Variants in MDGA2 observed in about 807,000 individuals in gnomAD.
MDGA2 encodes the protein MAM domain-containing glycosylphosphatidylinositol anchor protein 2.
A neutral mutation model predicts 117.8 loss-of-function variants in MDGA2; 40 were observed. The ratio of observed to expected loss-of-function variants is 0.34; its 90% CI spans 0.26 to 0.44. The LOEUF (loss-of-function observed/expected upper bound fraction) is 0.44. MDGA2 is among the 20% of genes least tolerant of loss of function. MDGA2 has a pLI of 1.00. For missense variants in MDGA2, 1,123 were observed against 1,250.6 expected, an observed-to-expected ratio of 0.90 and a Z score of 1.54; for synonymous variants, 452 against 439.0, an observed-to-expected ratio of 1.03 and a Z score of -0.37.
chr14:46,846,662 A>T (rs1880853885), intron 15 of MDGA2, among the ~76,000 whole-genome samples: 1 of 152,122 alleles, frequency 6.6e-6, no homozygotes, highest in African/African-American at 2.4e-5. Flanking sequence ...ATTTTTACAG[A>T]AACAGGACTC....
chr14:46,945,091 G>C (rs1490672115), intron 9 of MDGA2, among the ~76,000 whole-genome samples: 1 of 152,040 alleles, frequency 6.6e-6, no homozygotes, highest in Non-Finnish European at 1.5e-5. Flanking sequence ...CTTTCACCCT[G>C]TAAAGAGTGC....
chr14:47,380,783 C>A (rs962883429), intron 1 of MDGA2, among the ~76,000 whole-genome samples: 1 of 151,920 alleles, frequency 6.6e-6, no homozygotes, highest in East Asian at 1.9e-4. Flanking sequence ...ACCAGAGGTA[C>A]AAGCAGGAGC....
rs190108570 is a variant in MDGA2, at chr14:46,882,356, G to T, written c.2239-135C>A. 7.2e-6 allele frequency: 5 copies of T among 691,614 alleles called. No homozygotes were observed. The East Asian group carries it at 9.2e-5, about 13-fold the overall frequency. The allele number at this position is 691,614 out of a possible 1,614,324, so 42.8% of individuals were successfully genotyped here. On this transcript the variant is annotated intron_variant, in intron 10 of 16. Transcript: ENST00000399232. ...ATGAATACGTATTATTAAAGTTCAA[G>T]TTTCTATAATGATAAACAAATTTTG...
At chr14:46,959,599 T>C (rs1885711258) in intron 8 of MDGA2, among the ~76,000 whole-genome samples, 1 of 152,030 alleles carries the variant, frequency 6.6e-6, no homozygotes, top group African/African-American at 2.4e-5. Flanking sequence ...TTTGTACTTT[T>C]ATTTTATTAC....
chr14:47,157,728 G>A (rs1883456419), intron 3 of MDGA2, among the ~76,000 whole-genome samples: 2 of 151,548 alleles, frequency 1.3e-5, no homozygotes, highest in Non-Finnish European at 2.9e-5. Context: ...GGACCCAGTG[G>A]GAAGTAATTG....
At chr14:46,894,663 A>T (rs1422615351) in intron 10 of MDGA2, among the ~76,000 whole-genome samples, 1 of 152,202 alleles carries the variant, frequency 6.6e-6, no homozygotes. Flanking sequence ...TACATAAATC[A>T]TTAAATGACA....
intron 3 of MDGA2, among the ~76,000 whole-genome samples, chr14:47,163,548 A>T (rs1396041734): frequency 1.3e-5 from 2 of 152,048 alleles, no homozygotes; most frequent in South Asian, 2.1e-4. Flanking sequence ...AAGATATGAC[A>T]TGCTCCTCCT....
At chr14:46,869,351 C>CTTTTTTT (rs35619816) in intron 14 of MDGA2, among the ~76,000 whole-genome samples, 2 of 119,132 alleles carry the variant, frequency 1.7e-5, no homozygotes, top group African/African-American at 6.1e-5. Flanking sequence ...CTATGAGATT[C>CTTTTTTT]TTTTTTTTTT....
chr14:47,295,205 T>G (rs1889022924), intron 2 of MDGA2, among the ~76,000 whole-genome samples: 1 of 152,298 alleles, frequency 6.6e-6, no homozygotes, highest in Middle Eastern at 3.4e-3. Flanking sequence ...CAGAGCTGCT[T>G]TGATTGATGC....
intron 1 of MDGA2, among the ~76,000 whole-genome samples, chr14:47,378,318 A>G (rs1891527858): frequency 6.6e-6 from 1 of 152,248 alleles, no homozygotes; most frequent in Non-Finnish European, 1.5e-5. Context: ...TCTCCAAAGG[A>G]ACGCAGCTCC....
intron 7 of MDGA2, among the ~76,000 whole-genome samples, chr14:47,052,177 G>C (rs1449594062): frequency 6.6e-6 from 1 of 151,816 alleles, no homozygotes; most frequent in African/African-American, 2.4e-5. Context: ...TTTATATCCA[G>C]TCGTTTAAAA....
intron 1 of MDGA2, among the ~76,000 whole-genome samples, chr14:47,435,981 T>C (rs530613251): frequency 1.3e-5 from 2 of 152,248 alleles, no homozygotes; most frequent in Non-Finnish European, 2.9e-5. Flanking sequence ...TTTTCCTTTT[T>C]TTGTCTCTCT....
chr14:46,989,332 AG>A (rs60744731), intron 8 of MDGA2, among the ~76,000 whole-genome samples: 13,411 of 151,254 alleles, frequency 0.089, 655 homozygotes, highest in African/African-American at 0.12. Context: ...GAAAAAAAAA[AG>A]GGGGGTATCC....
chr14:47,446,246 A>C (rs573461298), intron 1 of MDGA2, among the ~76,000 whole-genome samples: 2 of 152,270 alleles, frequency 1.3e-5, no homozygotes, highest in South Asian at 4.1e-4. Context: ...TTGTCTTCTT[A>C]CCTACTCACA....
intron 8 of MDGA2, among the ~76,000 whole-genome samples, chr14:46,987,930 G>T (rs1014737043): frequency 8.6e-6 from 1 of 115,678 alleles, no homozygotes; most frequent in Non-Finnish European, 2.1e-5. Context: ...TCTGGGGTGG[G>T]GGGGGGTGCG....
intron 1 of MDGA2, among the ~76,000 whole-genome samples, chr14:47,612,249 T>C (rs1488475803): frequency 6.6e-6 from 1 of 151,980 alleles, no homozygotes; most frequent in African/African-American, 2.4e-5. Flanking sequence ...GATAGATAGA[T>C]AGATAGATCT....
intron 1 of MDGA2, among the ~76,000 whole-genome samples, chr14:47,667,759 C>T (rs1898001663): frequency 6.6e-6 from 1 of 152,188 alleles, no homozygotes; most frequent in African/African-American, 2.4e-5. Flanking sequence ...AGATGTGTTT[C>T]CCCTTCTACA....
chr14:47,475,743 A>G (rs898600426), intron 1 of MDGA2, among the ~76,000 whole-genome samples: 2 of 152,238 alleles, frequency 1.3e-5, no homozygotes, highest in Non-Finnish European at 2.9e-5. Context: ...CAAACACTGC[A>G]TGTTCTCACT....
At chr14:47,211,276 T>C (rs1419700758) in intron 3 of MDGA2, among the ~76,000 whole-genome samples, 2 of 152,256 alleles carry the variant, frequency 1.3e-5, no homozygotes, top group Admixed American at 6.5e-5. Flanking sequence ...TTAAGAATGG[T>C]GAGGGGTCTG....
Sources: gnomAD v4.1 joint callset for allele counts (sites outside exome capture counted in the v4.1 genomes callset) on GRCh38, gnomAD v4.1.1 for gene constraint, MANE v1.5 for transcripts, NCBI Gene and HGNC (gene_info 2026-07-23, HGNC 2026-07-21) for gene names.